GRID2: variants seen among roughly 807,000 people sequenced by gnomAD.
GRID2 encodes glutamate receptor ionotropic, delta-2.
A neutral mutation model predicts 114.8 loss-of-function variants in GRID2; 33 were observed. That is an observed-to-expected ratio of 0.29 (90% CI 0.22 to 0.38). GRID2 has a LOEUF of 0.38. Ranked by LOEUF, GRID2 falls within the 10% of genes least tolerant of loss-of-function variation. The pLI is 1.00. For missense variants in GRID2, 1,184 were observed against 1,257.7 expected, an observed-to-expected ratio of 0.94 and a Z score of 0.89; for synonymous variants, 505 against 449.9, an observed-to-expected ratio of 1.12 and a Z score of -1.55.
chr4:92,325,799 T>C (rs940548065), intron 1 of GRID2, among the ~76,000 whole-genome samples: 15 of 151,856 alleles, frequency 9.9e-5, no homozygotes, highest in Admixed American at 6.6e-5. Context: ...TTTAACTTTA[T>C]ACTTTTATAT....
chr4:93,266,051 G>A (rs1034640255), intron 8 of GRID2, among the ~76,000 whole-genome samples: 60 of 151,994 alleles, frequency 3.9e-4, no homozygotes, highest in African/African-American at 1.4e-3. Flanking sequence ...TCCATCACAG[G>A]GCACACACAC....
chr4:92,816,399 T>A (rs1463553697), intron 2 of GRID2, among the ~76,000 whole-genome samples: 1 of 151,986 alleles, frequency 6.6e-6, no homozygotes, highest in African/African-American at 2.4e-5. Context: ...TTTAACCCAT[T>A]TGTCTTCAAA....
intron 2 of GRID2, among the ~76,000 whole-genome samples, chr4:92,994,918 C>T (rs1755110103): frequency 6.6e-6 from 1 of 152,180 alleles, no homozygotes; most frequent in Admixed American, 6.5e-5. Flanking sequence ...TGTTTGGTGA[C>T]TTCACATCGA....
intron 14 of GRID2, among the ~76,000 whole-genome samples, chr4:93,723,252 T>C (rs1008886945): frequency 3.9e-5 from 6 of 152,242 alleles, no homozygotes; most frequent in Non-Finnish European, 5.9e-5. Context: ...GGGGCCATCA[T>C]TTAAGAATAT....
intron 12 of GRID2, among the ~76,000 whole-genome samples, chr4:93,498,134 C>G (rs976765541): frequency 6.6e-6 from 1 of 151,836 alleles, no homozygotes; most frequent in Non-Finnish European, 1.5e-5. Flanking sequence ...ATACCTAGGT[C>G]TGAGTAATTT....
chr4:93,587,077 C>T (rs79414372), intron 13 of GRID2, among the ~76,000 whole-genome samples: 4,652 of 152,134 alleles, frequency 0.031, 229 homozygotes, highest in African/African-American at 0.1. Context: ...TAGATCTCTT[C>T]TCCTCTATGA....
Position 93,101,791 on chromosome 4 carries a change from A to T in GRID2, c.530-8957A>T, listed in dbSNP as rs28575285. On this transcript the variant is annotated intron_variant, in intron 3 of 15. Coordinates refer to ENST00000282020, the MANE Select transcript of GRID2 (RefSeq NM_001510.4). ...TTGTTGTGGGAAACTGGCCTAAATA[A>T]GTAACACAATACAGATATCTGAGAA... Among the ~76,000 whole-genome samples the T allele has an allele frequency of 4.9e-4, 74 of 152,262 alleles. 1 individual carries two copies. Among genetic ancestry groups the T allele is most frequent in the African/African-American group, 1.7e-3 (72 of 41,584 alleles).
chr4:93,420,685 C>G (rs902932964), intron 9 of GRID2, among the ~76,000 whole-genome samples: 1 of 151,260 alleles, frequency 6.6e-6, no homozygotes, highest in East Asian at 1.9e-4. Flanking sequence ...AAAATCGGTA[C>G]CTTAACAAAA....
chr4:93,513,318 G>A (rs1473620464), intron 12 of GRID2, among the ~76,000 whole-genome samples: 1 of 152,088 alleles, frequency 6.6e-6, no homozygotes, highest in Non-Finnish European at 1.5e-5. Context: ...TAAACAGGGG[G>A]ATATATGTTT....
intron 1 of GRID2, among the ~76,000 whole-genome samples, chr4:92,414,462 G>T (rs1369547819): frequency 1.3e-5 from 2 of 152,122 alleles, no homozygotes; most frequent in Admixed American, 1.3e-4. Flanking sequence ...TAAACAAAAA[G>T]AGAAGCAATA....
chr4:92,565,048 A>G (rs1727272590), intron 1 of GRID2, among the ~76,000 whole-genome samples: 1 of 151,906 alleles, frequency 6.6e-6, no homozygotes, highest in Non-Finnish European at 1.5e-5. Flanking sequence ...CAAATGTGGG[A>G]ATGGTTTTGA....
At chr4:93,126,265 C>T (rs1734253796) in intron 4 of GRID2, among the ~76,000 whole-genome samples, 1 of 151,670 alleles carries the variant, frequency 6.6e-6, no homozygotes, top group Non-Finnish European at 1.5e-5. Flanking sequence ...TTCAAATTGC[C>T]AGTTTTAATG....
intron 13 of GRID2, among the ~76,000 whole-genome samples, chr4:93,607,244 A>C (rs1412573893): frequency 6.6e-6 from 1 of 152,164 alleles, no homozygotes; most frequent in African/African-American, 2.4e-5. Flanking sequence ...ACATGTTTAC[A>C]CATATACTCA....
chr4:93,597,361 A>G (rs1739210893), intron 13 of GRID2, among the ~76,000 whole-genome samples: 1 of 152,162 alleles, frequency 6.6e-6, no homozygotes, highest in Admixed American at 6.6e-5. Context: ...TGTTTTGAAA[A>G]TCTACAGCTC....
intron 2 of GRID2, among the ~76,000 whole-genome samples, chr4:92,853,893 A>G (rs895567642): frequency 6.6e-6 from 1 of 151,806 alleles, no homozygotes; most frequent in African/African-American, 2.4e-5. Flanking sequence ...ATCGGGTACC[A>G]TGCCTGCTTC....
chr4:92,321,419 G>T (rs112587900), intron 1 of GRID2, among the ~76,000 whole-genome samples: 1 of 152,314 alleles, frequency 6.6e-6, no homozygotes, highest in Non-Finnish European at 1.5e-5. Context: ...GTGGATCCAC[G>T]TAAGCCAAGT....
intron 8 of GRID2, among the ~76,000 whole-genome samples, chr4:93,320,971 GGAAA>G (rs2149208307): frequency 1.3e-5 from 2 of 151,960 alleles, no homozygotes; most frequent in East Asian, 3.9e-4. Context: ...ATGGAAGGAA[GGAAA>G]GATGATTTTG....
intron 2 of GRID2, among the ~76,000 whole-genome samples, chr4:92,856,694 A>G (rs1267613058): frequency 6.6e-6 from 1 of 152,212 alleles, no homozygotes; most frequent in Non-Finnish European, 1.5e-5. Flanking sequence ...TGAATATCTT[A>G]CCTGATGCAT....
At chr4:92,470,555 G>T (rs1323538638) in intron 1 of GRID2, among the ~76,000 whole-genome samples, 1 of 151,810 alleles carries the variant, frequency 6.6e-6, no homozygotes, top group Non-Finnish European at 1.5e-5. Context: ...CACTATATTT[G>T]TCAAAATTTT....
Sources: allele counts gnomAD v4.1 joint callset (sites outside exome capture counted in the v4.1 genomes callset), GRCh38; gene constraint gnomAD v4.1.1; transcripts MANE v1.5; gene names NCBI Gene and HGNC (gene_info 2026-07-23, HGNC 2026-07-21).